The following EIF2B3 variants were observed in gnomAD, a reference collection of about 807,000 sequenced individuals.
EIF2B3 encodes eukaryotic translation initiation factor 2B subunit gamma.
In EIF2B3, 20 loss-of-function variants were observed where a neutral mutation model predicts 54.1. That is an observed-to-expected ratio of 0.37 (90% confidence interval 0.26 to 0.54). The LOEUF is 0.54. EIF2B3 is among the 20% of genes least tolerant of loss of function. The pLI is 0.86. For synonymous variants in EIF2B3, 153 were observed against 188.1 expected, an observed-to-expected ratio of 0.81 and a Z score of 1.52; for missense variants, 448 against 547.8, an observed-to-expected ratio of 0.82 and a Z score of 1.82.
At position 44,984,797 on chromosome 1, in the gene EIF2B3, C is replaced by CTTTTTTTTTTTTTTTTTTTTTTTTTTT. The variant is rs71040529; in HGVS notation, c.-10+1695_-10+1696insAAAAAAAAAAAAAAAAAAAAAAAAAAA. ...GTAAAGCAGACAAAATAATGTCCAT[C>CTTTTTTTTTTTTTTTTTTTTTTTTTTT]TTTTTTTTTTTTTTTTTTTTGAGAC... On this transcript the variant is annotated intron_variant, in intron 1 of 11. Coordinates refer to ENST00000360403, the MANE Select transcript of EIF2B3 (RefSeq NM_020365.5). 1.9e-4 allele frequency among the ~76,000 whole-genome samples: 17 copies of CTTTTTTTTTTTTTTTTTTTTTTTTTTT among 88,534 alleles called. 3 individuals are homozygous for CTTTTTTTTTTTTTTTTTTTTTTTTTTT. The highest frequency in any genetic ancestry group is 4.8e-4 in the African/African-American group (9 of 18,586). 58.1% of individuals were successfully genotyped at this position (88,534 alleles called of 152,430 possible).
intron 3 of EIF2B3, chr1:44,958,576 T>C (rs1013128242): frequency 2.1e-6 from 3 of 1,438,790 alleles, no homozygotes; most frequent in African/African-American, 1.4e-5. Context: ...TGTGAAGACA[T>C]GCTACTTTGT....
chr1:44,851,136 C>T (rs1392381109), intron 11 of EIF2B3, 133 bp from the exon 12 acceptor site: 1 of 804,650 alleles, frequency 1.2e-6, no homozygotes, highest in East Asian at 2.7e-5. Context: ...ACAATCTCGG[C>T]TTACTGCAAC....
In EIF2B3 at chr1:44,881,416, C is replaced by T. The variant is rs769769492; in HGVS notation, c.784+196G>A. Among the ~76,000 whole-genome samples, 5 of 152,154 alleles carry T rather than the reference C, an allele frequency of 3.3e-5. No homozygotes were observed. Among genetic ancestry groups the T allele is most frequent in the Admixed American group, 6.5e-5 (1 of 15,276 alleles). ...GCTGGAGGCATGATTAGCCTGTTGC[C>T]GAGAGCACAGTGGCAGAATCTGCCT... On this transcript the variant is annotated intron_variant, in intron 7 of 11. Transcript: ENST00000360403. The surrounding 1 kb of genome is among the most constrained non-coding windows in gnomAD (Gnocchi z 4.0).
chr1:44,968,949 C>T (rs1044500997), intron 3 of EIF2B3, among the ~76,000 whole-genome samples: 1 of 151,804 alleles, frequency 6.6e-6, no homozygotes, highest in Non-Finnish European at 1.5e-5. Flanking sequence ...ATGTCAGTCA[C>T]GGATTCTATA....
At chr1:44,851,777 T>C (rs1312327559) in intron 11 of EIF2B3, among the ~76,000 whole-genome samples, 1 of 152,200 alleles carries the variant, frequency 6.6e-6, no homozygotes, top group Admixed American at 6.5e-5. Context: ...ACCTACTGCA[T>C]AGGGTTGTTG....
chr1:44,913,443 G>A (rs1643556460), intron 5 of EIF2B3, among the ~76,000 whole-genome samples: 2 of 151,848 alleles, frequency 1.3e-5, no homozygotes, highest in South Asian at 2.1e-4. Flanking sequence ...AAAAGAATCC[G>A]AGTGGGGTCA....
chr1:44,962,663 C>A (rs1644297568), intron 3 of EIF2B3, among the ~76,000 whole-genome samples: 1 of 152,156 alleles, frequency 6.6e-6, no homozygotes, highest in Non-Finnish European at 1.5e-5. Flanking sequence ...GATCCTCCTG[C>A]CTTGGCCTCC....
intron 1 of EIF2B3, 122 bp from the exon 2 acceptor site, chr1:44,981,299 T>C (rs543915886): frequency 1.0e-6 from 1 of 997,878 alleles, no homozygotes; most frequent in African/African-American, 1.6e-5. Context: ...GCATAATTCC[T>C]AACTCTAGCA....
intron 5 of EIF2B3, among the ~76,000 whole-genome samples, chr1:44,901,929 T>G (rs549011350): frequency 2.0e-5 from 3 of 152,326 alleles, no homozygotes; most frequent in African/African-American, 7.2e-5. Flanking sequence ...TATACAACTC[T>G]TACAGTTTTA....
chr1:44,934,822 G>A (rs923982840), intron 4 of EIF2B3, among the ~76,000 whole-genome samples: 2 of 152,070 alleles, frequency 1.3e-5, no homozygotes, highest in Admixed American at 1.3e-4. Flanking sequence ...TTTTTAAAAT[G>A]GGGTGGGATT....
intron 4 of EIF2B3, chr1:44,940,792 A>C (rs1644011821): frequency 6.6e-6 from 1 of 152,484 alleles, no homozygotes; most frequent in African/African-American, 2.4e-5. Flanking sequence ...GAAAAAGAAA[A>C]AGAAAAAGAA....
chr1:44,982,552 C>T (rs1569897308), intron 1 of EIF2B3, among the ~76,000 whole-genome samples: 1 of 152,182 alleles, frequency 6.6e-6, no homozygotes, highest in Admixed American at 6.5e-5. Context: ...CCGGAGTCGG[C>T]CTCCCAAAGT....
intron 5 of EIF2B3, among the ~76,000 whole-genome samples, chr1:44,904,921 A>C (rs1643385816): frequency 6.6e-6 from 1 of 152,218 alleles, no homozygotes; most frequent in Non-Finnish European, 1.5e-5. Context: ...AAGAAACTAG[A>C]GACCAAGATA....
At chr1:44,902,829 T>TAAAAAAAAAAA in intron 5 of EIF2B3, among the ~76,000 whole-genome samples, 1 of 85,460 alleles carries the variant, frequency 1.2e-5, no homozygotes, top group Non-Finnish European at 2.3e-5. Context: ...ACTCTTTCTT[T>TAAAAAAAAAAA]AAAAAAAAAA....
intron 3 of EIF2B3, among the ~76,000 whole-genome samples, chr1:44,950,384 T>G (rs1644147866): frequency 1.3e-5 from 2 of 152,176 alleles, no homozygotes. Flanking sequence ...ATTGTGCCAT[T>G]GCACTCCAGC....
chr1:44,954,756 C>T (rs562266809), intron 3 of EIF2B3, among the ~76,000 whole-genome samples: 61 of 152,236 alleles, frequency 4.0e-4, no homozygotes, highest in Admixed American at 2.4e-3. Flanking sequence ...ACTTCCAATA[C>T]TATGTTGAAT....
In EIF2B3 at chr1:44,875,833, G is replaced by A. The variant is rs971018676; in HGVS notation, c.976-138C>T. The A allele has an allele frequency of 3.4e-4, 253 of 739,784 alleles. 2 individuals carry two copies. The highest frequency in any genetic ancestry group is 2.9e-3 in the South Asian group (191 of 66,856). 45.8% of individuals were successfully genotyped at this position (739,784 alleles called of 1,614,324 possible). A position where few individuals can be genotyped will look rare whatever the true frequency, so the allele number is the denominator to read the frequency against. On this transcript the variant is annotated intron_variant, in intron 8 of 11. Coordinates refer to ENST00000360403, the MANE Select transcript of EIF2B3 (RefSeq NM_020365.5). Reference sequence around the variant, plus strand: ...CTTTCCACGGTCTCCCTCTGATGCCGAGCCAAAGCTGGACTGTACTGCTGC... The same window carrying A: ...CTTTCCACGGTCTCCCTCTGATGCCAAGCCAAAGCTGGACTGTACTGCTGC...
intron 1 of EIF2B3, among the ~76,000 whole-genome samples, chr1:44,984,797 C>CCTTTTTTT: frequency 1.1e-5 from 1 of 88,576 alleles, no homozygotes. Context: ...TAATGTCCAT[C>CCTTTTTTT]TTTTTTTTTT....
chr1:44,978,289 A>G, intron 3 of EIF2B3, 26 bp downstream of exon 3: 1 of 1,613,140 alleles, frequency 6.2e-7, no homozygotes, highest in Non-Finnish European at 8.5e-7. Context: ...TCAATAAACA[A>G]GAAGAGTCAA....
Sources: allele counts gnomAD v4.1 joint callset (sites outside exome capture counted in the v4.1 genomes callset), GRCh38; gene constraint gnomAD v4.1.1; non-coding constraint Gnocchi (gnomAD v3.1); transcripts MANE v1.5; gene names NCBI Gene and HGNC (gene_info 2026-07-23, HGNC 2026-07-21).